CER1: variants seen among roughly 807,000 people sequenced by gnomAD.
The protein encoded by CER1 is cerberus.
In CER1, 10 loss-of-function variants were observed where a neutral mutation model predicts 11.8. The observed-to-expected ratio is 0.85, with a 90% CI of 0.52 to 1.44. The LOEUF (loss-of-function observed/expected upper bound fraction) is 1.44, where lower values mean the gene tolerates loss of function less well. Ranked by LOEUF, CER1 falls within the 40% of genes most tolerant of loss-of-function variation. CER1 has a pLI of 0.00. For synonymous variants in CER1, 141 were observed against 122.3 expected, an observed-to-expected ratio of 1.15 and a Z score of -1.01; for missense variants, 431 against 327.0, an observed-to-expected ratio of 1.32 and a Z score of -2.45.
At chr9:14,719,606 C>T (rs1437120792), downstream of CER1, 4 of 151,082 alleles carry the variant, frequency 2.6e-5, no homozygotes, top group Admixed American at 6.6e-5. Context: ...TTCCTTCCTT[C>T]CTTCCTTCCT....
intron 1 of CER1, among the ~76,000 whole-genome samples, chr9:14,720,907 C>T (rs1839999961): frequency 6.6e-6 from 1 of 152,144 alleles, no homozygotes; most frequent in African/African-American, 2.4e-5. Context: ...AATGCATATG[C>T]CTGCAAATCA....
rs185147936 is a variant in CER1, at chr9:14,720,818, A to T, written c.508-432T>A. Among the ~76,000 whole-genome samples the T allele has an allele frequency of 3.5e-3, 538 of 152,328 alleles. 2 individuals carry two copies. Among genetic ancestry groups the T allele is most frequent in the African/African-American group, 0.012 (511 of 41,572 alleles). Reference sequence around the variant, plus strand: ...CATTGATCGTAGAATAGATCAGAACATTCTAGGTTTAATTCTATCCTATTC... The same window carrying T: ...CATTGATCGTAGAATAGATCAGAACTTTCTAGGTTTAATTCTATCCTATTC... On this transcript the variant is annotated intron_variant, in intron 1 of 1. Transcript: ENST00000380911.
Position 14,720,083 on chromosome 9 carries a change from T to C in CER1, c.*7A>G, listed in dbSNP as rs758302429. The C allele has an allele frequency of 2.5e-6, 4 of 1,611,044 alleles. No homozygotes were observed. In the African/African-American group the frequency reaches 5.3e-5, roughly 22 times the overall value. On this transcript the variant is annotated 3_prime_UTR_variant, in exon 2 of 2. Coordinates refer to ENST00000380911, the MANE Select transcript of CER1 (RefSeq NM_005454.3). ...TTGCTTTTCAAAGGTAATAGTGGGA[T>C]AGCTCTTCAAGCTGAAACTCCTGGG...
downstream of CER1, among the ~76,000 whole-genome samples, chr9:14,717,367 G>A (rs899412749): frequency 1.3e-5 from 2 of 152,040 alleles, no homozygotes; most frequent in Admixed American, 1.3e-4. Context: ...ATGAATTTCA[G>A]TGTTATATTA....
At position 14,722,570 on chromosome 9, in the gene CER1, G is replaced by T. The variant is rs1459200200; in HGVS notation, c.103C>A (p.Leu35Met). Residue 35 changes from leucine to methionine, a missense_variant, in exon 1 of 2, where the codon CTG becomes ATG. Physicochemically the swap from Leu to Met is conservative, Grantham distance 15. Coordinates refer to ENST00000380911, the MANE Select transcript of CER1 (RefSeq NM_005454.3). ...QNQSSLSPVL[L>M]PRNQRELPTG... ...GGAAGCTCTCTTTGATTCCTTGGCA[G>T]GAGTACGGGGGAAAGAGAACTCTGA... The T allele has an allele frequency of 6.2e-7, 1 of 1,613,742 alleles. No homozygotes were observed. The highest frequency in any genetic ancestry group is 8.5e-7 in the Non-Finnish European group (1 of 1,180,048).
At chr9:14,720,908 C>G (rs1473914344) in intron 1 of CER1, among the ~76,000 whole-genome samples, 1 of 152,138 alleles carries the variant, frequency 6.6e-6, no homozygotes, top group African/African-American at 2.4e-5. Flanking sequence ...ATGCATATGC[C>G]TGCAAATCAT....
chr9:14,718,020 G>A (rs1839959116), downstream of CER1, among the ~76,000 whole-genome samples: 1 of 152,094 alleles, frequency 6.6e-6, no homozygotes, highest in Non-Finnish European at 1.5e-5. Flanking sequence ...TACATATTAT[G>A]TTCAACCTTT....
At chr9:14,721,838 A>G (rs1467452041) in intron 1 of CER1, among the ~76,000 whole-genome samples, 1 of 152,142 alleles carries the variant, frequency 6.6e-6, no homozygotes, top group Non-Finnish European at 1.5e-5. Flanking sequence ...AACTGAGGGT[A>G]CAGTCTGACT....
chr9:14,720,038 G>T lies in CER1; in HGVS notation c.*52C>A. The T allele has an allele frequency of 6.5e-7, 1 of 1,540,598 alleles. No homozygotes were observed. The highest frequency in any genetic ancestry group is 8.9e-7 in the Non-Finnish European group (1 of 1,117,428). ...TTAACATTTTCAGACTGAATAATCA[G>T]CATCTTTGCTGTTGTGGTTTTGCTT... On this transcript the variant is annotated 3_prime_UTR_variant, in exon 2 of 2. Coordinates refer to ENST00000380911, the MANE Select transcript of CER1 (RefSeq NM_005454.3).
At chr9:14,721,445 C>T (rs1252901987) in intron 1 of CER1, among the ~76,000 whole-genome samples, 4 of 152,128 alleles carry the variant, frequency 2.6e-5, no homozygotes, top group Non-Finnish European at 4.4e-5. Context: ...AAAGGTACTT[C>T]TAAGGGGAGG....
At chr9:14,717,758 G>C (rs141120756), downstream of CER1, among the ~76,000 whole-genome samples, 919 of 152,292 alleles carry the variant, frequency 6.0e-3, 4 homozygotes, top group Middle Eastern at 0.02. Flanking sequence ...ACCTGGAAGA[G>C]TTCAATATAA....
Position 14,722,542 on chromosome 9 carries a change from G to A in CER1, c.131C>T (p.Thr44Ile), listed in dbSNP as rs147669691. The A allele has an allele frequency of 1.1e-4, 185 of 1,614,098 alleles. No homozygotes were observed. Among genetic ancestry groups the A allele is most frequent in the Admixed American group, 2.0e-4 (12 of 60,012 alleles). ...CTCCTCAGCTTCCTCATGGTTGCCT[G>A]TGGGAAGCTCTCTTTGATTCCTTGG... ...LLPRNQRELP[T>I]GNHEEAEEKP... Residue 44 changes from threonine (T) to isoleucine (I), a missense_variant, in exon 1 of 2, where the codon ACA becomes ATA. Thr to Ile is a moderately conservative substitution (Grantham distance 89). Transcript: ENST00000380911.
downstream of CER1, among the ~76,000 whole-genome samples, chr9:14,717,563 A>G (rs1047933195): frequency 4.6e-5 from 7 of 152,168 alleles, no homozygotes; most frequent in Non-Finnish European, 1.0e-4. Flanking sequence ...ATTTTATATG[A>G]GAGGAAAATG....
chr9:14,721,639 T>C (rs1340914146), intron 1 of CER1, among the ~76,000 whole-genome samples: 1 of 152,272 alleles, frequency 6.6e-6, no homozygotes, highest in Non-Finnish European at 1.5e-5. Flanking sequence ...CTCATAAACC[T>C]ATAAAGTAAT....
At chr9:14,721,219 G>A (rs1840008440) in intron 1 of CER1, among the ~76,000 whole-genome samples, 1 of 152,130 alleles carries the variant, frequency 6.6e-6, no homozygotes, top group Non-Finnish European at 1.5e-5. Flanking sequence ...TTGCTTAATT[G>A]GGTAGCATTA....
Position 14,722,646 on chromosome 9 carries a change from C to G in CER1, c.27G>C (p.Leu9=). Residue 9 remains leucine (L), a synonymous_variant, in exon 1 of 2, where the codon CTG becomes CTC. Transcript: ENST00000380911. ...TGGTCTTTCCTAGAGGCAGGAGTAC[C>G]AGCAGCTGAAATAAGAGGAGATGCA... MHLLLFQL[L]VLLPLGKTTR... 6.2e-7 allele frequency: 1 copy of G among 1,602,432 alleles called. No homozygotes were observed. The highest frequency in any genetic ancestry group is 8.5e-7 in the Non-Finnish European group (1 of 1,179,748).
chr9:14,721,456 A>C (rs759543846), intron 1 of CER1, among the ~76,000 whole-genome samples: 46 of 152,226 alleles, frequency 3.0e-4, no homozygotes, highest in Non-Finnish European at 6.3e-4. Context: ...TAAGGGGAGG[A>C]GATATGATCT....
In CER1 at chr9:14,720,324, G is replaced by C; in HGVS notation, c.570C>G (p.Cys190Trp). 6.2e-7 allele frequency: 1 copy of C among 1,613,924 alleles called. No homozygotes were observed. Among genetic ancestry groups the C allele is most frequent in the Non-Finnish European group, 8.5e-7 (1 of 1,180,016 alleles). ...VVQNNLCFGK[C>W]GSVHFPGAAQ... ...CGGCTCCAGGAAAATGAACAGACCC[G>C]CATTTCCCAAAGCAAAGGTTGTTCT... Residue 190 changes from cysteine (C) to tryptophan (W), a missense_variant, in exon 2 of 2, where the codon TGC (cysteine) becomes TGG (tryptophan). Cys to Trp is a radical substitution (Grantham distance 215). Coordinates refer to ENST00000380911, the MANE Select transcript of CER1 (RefSeq NM_005454.3).
chr9:14,720,342 G>A lies in CER1; in HGVS notation c.552C>T (p.Asn184=), dbSNP rs147692802. 4.3e-6 allele frequency: 7 copies of A among 1,613,650 alleles called. No individual in the cohort carries two copies. In the African/African-American group the frequency reaches 6.7e-5, roughly 15 times the overall value. The change falls in exon 2 of 2, where the codon AAC becomes AAT. Residue 184 remains asparagine, a synonymous_variant. Transcript: ENST00000380911. The part of the protein sequence containing the change: ...EGCEKVVVQN[N]LCFGKCGSVH... Reference sequence around the variant, plus strand: ...CAGACCCGCATTTCCCAAAGCAAAGGTTGTTCTGAACAACTACTTTTTCAC... The same window carrying A: ...CAGACCCGCATTTCCCAAAGCAAAGATTGTTCTGAACAACTACTTTTTCAC...
Sources: allele counts gnomAD v4.1 joint callset (sites outside exome capture counted in the v4.1 genomes callset), GRCh38; gene constraint gnomAD v4.1.1; transcripts MANE v1.5; gene names NCBI Gene and HGNC (gene_info 2026-07-23, HGNC 2026-07-21).